RIPOR1: variants seen among roughly 807,000 people sequenced by gnomAD.
The protein encoded by RIPOR1 is RHO family interacting cell polarization regulator 1.
In RIPOR1, 58 loss-of-function variants were observed where a neutral mutation model predicts 116.5. That is an observed-to-expected ratio of 0.50 (90% confidence interval 0.40 to 0.62). The LOEUF is 0.62. Ranked by LOEUF, RIPOR1 falls within the 20% of genes least tolerant of loss-of-function variation. RIPOR1 has a pLI of 0.00. For synonymous variants in RIPOR1, 605 were observed against 650.0 expected, an observed-to-expected ratio of 0.93 and a Z score of 1.05; for missense variants, 1,372 against 1,586.2, an observed-to-expected ratio of 0.86 and a Z score of 2.29.
In RIPOR1 at chr16:67,529,009, G is replaced by A; in HGVS notation, c.-24+95G>A. 1 of 163,172 alleles carries A rather than the reference G, an allele frequency of 6.1e-6. No homozygotes were observed. Among genetic ancestry groups the A allele is most frequent in the Non-Finnish European group, 1.4e-5 (1 of 73,832 alleles). The allele number at this position is 163,172 out of a possible 1,614,324, so 10.1% of individuals were successfully genotyped here. A position where few individuals can be genotyped will look rare whatever the true frequency, so the allele number is the denominator to read the frequency against. ...CCCGCCGGCGCCGCCCGGTGGGTCC[G>A]GGATCTGCGGCTCTGTCCCGCCTCA... On this transcript the variant is annotated intron_variant, in intron 1 of 21. Coordinates refer to ENST00000042381, the MANE Select transcript of RIPOR1 (RefSeq NM_024519.4). This position sits in a 1 kb window ranked among gnomAD's most constrained non-coding sequence, Gnocchi z 4.1.
At chr16:67,527,831 G>A (rs1331412984), upstream of RIPOR1, among the ~76,000 whole-genome samples, 2 of 150,266 alleles carry the variant, frequency 1.3e-5, no homozygotes, top group African/African-American at 4.9e-5. Context: ...ATTCCAGCCT[G>A]GGCGACAGTG....
Position 67,541,755 on chromosome 16 carries a change from A to C in RIPOR1, c.1053A>C (p.Thr351=), listed in dbSNP as rs767332874. ...FSTYSQSPPD[T]PSLREQAFYN... is the part of the protein sequence containing the mutation. ...CCTATAGCCAGAGCCCACCGGACAC[A>C]CCCTCACTTCGGGAACAGGCTTTCT... The change falls in exon 12 of 22, where the codon ACA becomes ACC. Residue 351 remains threonine, a synonymous_variant. Coordinates refer to ENST00000042381, the MANE Select transcript of RIPOR1 (RefSeq NM_024519.4). This position sits in a 1 kb window ranked among gnomAD's most constrained non-coding sequence, Gnocchi z 4.6. 2 of 1,613,948 alleles carry C rather than the reference A, an allele frequency of 1.2e-6. No homozygotes were observed. The highest frequency in any genetic ancestry group is 2.2e-5 in the South Asian group (2 of 91,072).
chr16:67,518,594 C>T (rs751118798), exon 1 of RIPOR1: 47 of 152,968 alleles, frequency 3.1e-4, no homozygotes, highest in Non-Finnish European at 4.2e-4. Context: ...TGGGGGAGCG[C>T]GGGAGCCCTG....
intron 1 of RIPOR1, among the ~76,000 whole-genome samples, chr16:67,522,327 C>T (rs1417241788): frequency 6.6e-6 from 1 of 151,656 alleles, no homozygotes; most frequent in Non-Finnish European, 1.5e-5. Flanking sequence ...CTCAGCCTCC[C>T]GAGTAGCTGG....
chr16:67,546,348 C>G lies in RIPOR1; in HGVS notation c.3563-18C>G, dbSNP rs1347374287. 1.2e-6 allele frequency: 2 copies of G among 1,612,564 alleles called. No homozygotes were observed. Reference sequence around the variant, plus strand: ...ATGGGGCTAGGGCCACCCTTGACCTCATCCTCACTCATTACAGGAGAAGAG... The same window carrying G: ...ATGGGGCTAGGGCCACCCTTGACCTGATCCTCACTCATTACAGGAGAAGAG... On this transcript the variant is annotated intron_variant, in intron 21 of 21. Coordinates refer to ENST00000042381, the MANE Select transcript of RIPOR1 (RefSeq NM_024519.4).
Position 67,537,540 on chromosome 16 carries a change from G to A in RIPOR1, c.-23-884G>A. ...AAGTGGCCAGGGCCGGAAGGTCCGC[G>A]GGGGGCGAGCGCGGGTCGGGGGCCG... On this transcript the variant is annotated intron_variant, in intron 1 of 21. Transcript: ENST00000042381. This position sits in a 1 kb window ranked among gnomAD's most constrained non-coding sequence, Gnocchi z 4.6. The A allele has an allele frequency of 3.7e-6, 5 of 1,350,884 alleles. No homozygotes were observed. The highest frequency in any genetic ancestry group is 3.8e-6 in the Non-Finnish European group (4 of 1,048,814). The allele number at this position is 1,350,884 out of a possible 1,614,324, so 83.7% of individuals were successfully genotyped here.
At position 67,541,517 on chromosome 16, in the gene RIPOR1, G is replaced by A. The variant is rs1357718052; in HGVS notation, c.889G>A (p.Val297Ile). The A allele has an allele frequency of 6.2e-7, 1 of 1,613,992 alleles. No individual in the cohort carries two copies. Among genetic ancestry groups the A allele is most frequent in the Non-Finnish European group, 8.5e-7 (1 of 1,180,010 alleles). ...TKDLFAALPQ[V>I]VAVDINDLGT... ...GGACCTGTTTGCCGCCCTGCCCCAG[G>A]TTGTGGCTGTGGATATCAATGACCT... The change falls in exon 11 of 22, where the codon GTT becomes ATT. Residue 297 changes from valine to isoleucine, a missense_variant. Val to Ile is a conservative substitution (Grantham distance 29). Transcript: ENST00000042381. The surrounding 1 kb of genome is among the most constrained non-coding windows in gnomAD (Gnocchi z 4.6).
At position 67,537,370 on chromosome 16, in the gene RIPOR1, C is replaced by T; in HGVS notation, c.-23-1054C>T. 1 of 1,229,022 alleles carries T rather than the reference C, an allele frequency of 8.1e-7. No individual in the cohort carries two copies. The allele number at this position is 1,229,022 out of a possible 1,614,324, so 76.1% of individuals were successfully genotyped here. ...CCCCTCGCCCCCCGTCGGTCCCCTCCCCGAGGGGAACCCCAGTCACCGGTC... is the reference window on the plus strand; with the variant it reads ...CCCCTCGCCCCCCGTCGGTCCCCTCTCCGAGGGGAACCCCAGTCACCGGTC... On this transcript the variant is annotated intron_variant, in intron 1 of 21. Transcript: ENST00000042381. This position sits in a 1 kb window ranked among gnomAD's most constrained non-coding sequence, Gnocchi z 4.6.
Position 67,545,081 on chromosome 16 carries a change from C to T in RIPOR1, c.2995C>T (p.Arg999Cys), listed in dbSNP as rs751909274. ...CACCTTCTGCAACCAGTATGGTGCCCGCCTCTCCCTGCGCCAGCCAGGCTT... is the reference window on the plus strand; with the variant it reads ...CACCTTCTGCAACCAGTATGGTGCCTGCCTCTCCCTGCGCCAGCCAGGCTT... ...LLTFCNQYGA[R>C]LSLRQPGLAE... Residue 999 changes from arginine (R) to cysteine (C), a missense_variant, in exon 17 of 22, where the codon CGC becomes TGC. By Grantham distance (180) the Arg-to-Cys change is radical (BLOSUM62 -3). This residue lies in a region of RIPOR1 where 1,005 missense variants were observed against 1,144.7 expected (regional missense o/e 0.88). Coordinates refer to ENST00000042381, the MANE Select transcript of RIPOR1 (RefSeq NM_024519.4). This position sits in a 1 kb window ranked among gnomAD's most constrained non-coding sequence, Gnocchi z 4.8. 23 of 1,613,124 alleles carry T rather than the reference C, an allele frequency of 1.4e-5. No individual in the cohort carries two copies. The highest frequency in any genetic ancestry group is 6.7e-5 in the African/African-American group (5 of 74,936).
Position 67,543,184 on chromosome 16 carries a change from G to T in RIPOR1, c.2398G>T (p.Ala800Ser), listed in dbSNP as rs1207104267. The T allele has an allele frequency of 3.2e-6, 5 of 1,548,724 alleles. No homozygotes were observed. The highest frequency in any genetic ancestry group is 2.3e-5 in the East Asian group (1 of 44,366). The change falls in exon 13 of 22, where the codon GCC becomes TCC. Residue 800 changes from alanine (A) to serine (S), a missense_variant. By Grantham distance (99) the Ala-to-Ser change is moderately conservative. This residue lies in a region of RIPOR1 where 1,005 missense variants were observed against 1,144.7 expected (regional missense o/e 0.88). Transcript: ENST00000042381. This position sits in a 1 kb window ranked among gnomAD's most constrained non-coding sequence, Gnocchi z 4.7. ...GGAGGCACTGGGGGCCCTAATGGCT[G>T]CCCTGGATGACTACCGTGGCCAGTT... ...LEEALGALMA[A>S]LDDYRGQFPE...
Position 67,538,412 on chromosome 16 carries a change from G to T in RIPOR1, c.-23-12G>T. The stretch of plus-strand genomic sequence containing the variant: ...TCCGACTGGTACTGGACACCCCCCC[G>T]ATCACCCGCAGGGAGCCCCGCGCGG... On this transcript the variant is annotated splice_polypyrimidine_tract_variant and intron_variant, in intron 1 of 21. Coordinates refer to ENST00000042381, the MANE Select transcript of RIPOR1 (RefSeq NM_024519.4). 1 of 1,562,642 alleles carries T rather than the reference G, an allele frequency of 6.4e-7. No homozygotes were observed. The highest frequency in any genetic ancestry group is 1.2e-5 in the South Asian group (1 of 85,504).
chr16:67,522,906 A>G (rs966859346), intron 1 of RIPOR1, among the ~76,000 whole-genome samples: 3 of 151,988 alleles, frequency 2.0e-5, no homozygotes, highest in Non-Finnish European at 2.9e-5. Flanking sequence ...CACTGCCTCA[A>G]AGAGGCCTTC....
rs143713742 is a variant in RIPOR1 at position 67,519,084 on chromosome 16, A to G, written c.-24+471A>G. The stretch of plus-strand genomic sequence containing the variant: ...TGGATCACCTGAGGTCAGGAGTTTG[A>G]GACCAGCCTGGACAACACGATGAAA... On this transcript the variant is annotated intron_variant, in intron 1 of 1. Coordinates refer to the RIPOR1 transcript ENST00000562116. Among the ~76,000 whole-genome samples, 196 of 152,306 alleles carry G rather than the reference A, an allele frequency of 1.3e-3. 5 individuals are homozygous for G. The East Asian group carries it at 0.036, about 28-fold the overall frequency.
intron 4 of RIPOR1, 137 bp from the exon 5 acceptor site, chr16:67,539,590 AG>A (rs1210255115): frequency 1.7e-5 from 17 of 1,023,714 alleles, no homozygotes; most frequent in Non-Finnish European, 2.6e-5. Context: ...ACCAGCAGGA[AG>A]GGGCGTCAGT....
Position 67,541,855 on chromosome 16 carries a change from C to T in RIPOR1, c.1081-12C>T, listed in dbSNP as rs577978455. 2.5e-6 allele frequency: 4 copies of T among 1,611,312 alleles called. No homozygotes were observed. Among genetic ancestry groups the T allele is most frequent in the South Asian group, 2.2e-5 (2 of 91,064 alleles). ...TGGGGGTGGTTCTGAAATGCCCTCT[C>T]CTCTTTCTCAGAACATGCTGCGACG... On this transcript the variant is annotated splice_polypyrimidine_tract_variant and intron_variant, in intron 12 of 21. Transcript: ENST00000042381. This position sits in a 1 kb window ranked among gnomAD's most constrained non-coding sequence, Gnocchi z 4.6.
At chr16:67,533,974 A>AT (rs767462361) in intron 1 of RIPOR1, among the ~76,000 whole-genome samples, 2,255 of 123,410 alleles carry the variant, frequency 0.018, 77 homozygotes, top group African/African-American at 0.049. Flanking sequence ...CGCCCGGCTA[A>AT]TTTTTTTTTT....
intron 1 of RIPOR1, among the ~76,000 whole-genome samples, chr16:67,519,467 C>G (rs1049209634): frequency 6.6e-6 from 1 of 152,032 alleles, no homozygotes; most frequent in African/African-American, 2.4e-5. Flanking sequence ...CAGAGGTCAT[C>G]CAGCTGCTGC....
chr16:67,534,290 T>A (rs553553517), intron 1 of RIPOR1, among the ~76,000 whole-genome samples: 1 of 151,812 alleles, frequency 6.6e-6, no homozygotes, highest in African/African-American at 2.4e-5. Flanking sequence ...TGGCTAATTT[T>A]TGTATTTTTA....
In RIPOR1 at chr16:67,529,641, A is replaced by G; in HGVS notation, c.-24+727A>G. ...ACCCTTTGTCCTCCTCTCCAGGGTG[A>G]GCCCTGAGTCCGGCCTCCCCTACAG... On this transcript the variant is annotated intron_variant, in intron 1 of 21. Coordinates refer to ENST00000042381, the MANE Select transcript of RIPOR1 (RefSeq NM_024519.4). This position sits in a 1 kb window ranked among gnomAD's most constrained non-coding sequence, Gnocchi z 4.1. 1.1e-6 allele frequency: 1 copy of G among 870,166 alleles called. No individual in the cohort carries two copies. The highest frequency in any genetic ancestry group is 1.7e-5 in the South Asian group (1 of 59,498). The allele number at this position is 870,166 out of a possible 1,614,324, so 53.9% of individuals were successfully genotyped here. A position where few individuals can be genotyped will look rare whatever the true frequency, so the allele number is the denominator to read the frequency against.
Sources: gnomAD v4.1 joint callset for allele counts (sites outside exome capture counted in the v4.1 genomes callset) on GRCh38, gnomAD v4.1.1 for gene constraint, gnomAD v4.1.1 regional missense constraint, Gnocchi (gnomAD v3.1) non-coding constraint, MANE v1.5 for transcripts, NCBI Gene and HGNC (gene_info 2026-07-23, HGNC 2026-07-21) for gene names.